The following BIN2 variants were observed in gnomAD, a reference collection of about 807,000 sequenced individuals.
The protein encoded by BIN2 is breast cancer associated protein BRAP1.
BIN2 carries 43 observed loss-of-function variants against 67.9 expected under a neutral mutation model. That is an observed-to-expected ratio of 0.63 (90% CI 0.50 to 0.82). BIN2 has a LOEUF of 0.82. Among genes scored for constraint, BIN2 ranks in the 40% least tolerant of loss-of-function variants. BIN2 has a pLI of 0.00. For missense variants in BIN2, 581 were observed against 671.6 expected (o/e 0.87, Z 1.49); for synonymous variants, 244 against 246.8 (o/e 0.99, Z 0.11).
At chr12:51,311,031 G>A (rs756809767) in intron 2 of BIN2, among the ~76,000 whole-genome samples, 5 of 151,660 alleles carry the variant, frequency 3.3e-5, no homozygotes, top group African/African-American at 4.8e-5. Flanking sequence ...TTATAGGTGT[G>A]GGCCACCATG....
intron 2 of BIN2, among the ~76,000 whole-genome samples, chr12:51,308,043 A>G (rs956219055): frequency 6.6e-6 from 1 of 152,032 alleles, no homozygotes; most frequent in Non-Finnish European, 1.5e-5. Flanking sequence ...GGGTAGTGGT[A>G]TGGAGTGGGG....
chr12:51,292,288 C>T lies in BIN2; in HGVS notation c.818G>A (p.Ser273Asn). The T allele has an allele frequency of 6.2e-7, 1 of 1,600,738 alleles. No homozygotes were observed. Among genetic ancestry groups the T allele is most frequent in the Non-Finnish European group, 8.5e-7 (1 of 1,179,808 alleles). Residue 273 changes from serine (S) to asparagine (N), a missense_variant, in exon 10 of 13, where the codon AGT (serine) becomes AAT (asparagine). Ser to Asn is a conservative substitution (Grantham distance 46). Transcript: ENST00000615107. ...GGGACTAGTAGGTGAGGTAAGAGGACTGGAGACTGTAGCTGTTCGAACTGG... is the reference window on the plus strand; with the variant it reads ...GGGACTAGTAGGTGAGGTAAGAGGATTGGAGACTGTAGCTGTTCGAACTGG... ...SPPVRTATVS[S>N]PLTSPTSPST...
At chr12:51,294,309 C>T (rs1162376609) in intron 9 of BIN2, among the ~76,000 whole-genome samples, 2 of 152,158 alleles carry the variant, frequency 1.3e-5, no homozygotes, top group Non-Finnish European at 2.9e-5. Flanking sequence ...TGGCTCACAC[C>T]GGTAATCCCA....
intron 10 of BIN2, among the ~76,000 whole-genome samples, chr12:51,290,911 C>T (rs893518290): frequency 1.3e-5 from 2 of 151,096 alleles, no homozygotes; most frequent in Non-Finnish European, 2.9e-5. Flanking sequence ...CCATCCTGGG[C>T]GACAGAGCGA....
rs745978130 is a variant in BIN2 at position 51,295,811 on chromosome 12, A to G, written c.746T>C (p.Val249Ala). 1.2e-6 allele frequency: 2 copies of G among 1,613,164 alleles called. No homozygotes were observed. The highest frequency in any genetic ancestry group is 3.3e-5 in the Admixed American group (2 of 59,940). ...TGCTGCTCACCTTGACAGTCCCTTC[A>G]CCACAAAGACTTTATTGGAATGTTG... ...EKQHSNKVFV[V>A]KGLSSSSRRS... Residue 249 changes from valine to alanine, a missense_variant, in exon 9 of 13, where the codon GTG becomes GCG. Coordinates refer to ENST00000615107, the MANE Select transcript of BIN2 (RefSeq NM_016293.4).
chr12:51,324,288 C>G (rs889628970), upstream of BIN2: 5 of 1,399,638 alleles, frequency 3.6e-6, no homozygotes, highest in African/African-American at 7.5e-5. Flanking sequence ...AGCAGGCCGG[C>G]TCGGAGGGGC....
intron 7 of BIN2, among the ~76,000 whole-genome samples, chr12:51,297,988 G>A (rs1427575768): frequency 6.6e-6 from 1 of 152,164 alleles, no homozygotes; most frequent in African/African-American, 2.4e-5. Context: ...GCTCATGCCT[G>A]TAATCCCAGC....
chr12:51,316,160 T>C (rs899012704), intron 1 of BIN2, among the ~76,000 whole-genome samples: 7 of 152,136 alleles, frequency 4.6e-5, no homozygotes, highest in South Asian at 4.1e-4. Flanking sequence ...AATCTTCTAA[T>C]GGTTCCCCAT....
intron 12 of BIN2, among the ~76,000 whole-genome samples, chr12:51,282,785 G>C (rs1945145706): frequency 6.6e-6 from 1 of 151,554 alleles, no homozygotes; most frequent in African/African-American, 2.4e-5. Context: ...TGTATTTTTA[G>C]TAGAGATGGA....
chr12:51,295,591 T>A (rs1214054648), intron 9 of BIN2, among the ~76,000 whole-genome samples: 724 of 13,122 alleles, frequency 0.055, 26 homozygotes, highest in African/African-American at 0.079. Flanking sequence ...TATATATATA[T>A]ATATATATAT....
chr12:51,317,022 AT>A (rs1428294292), intron 1 of BIN2, among the ~76,000 whole-genome samples: 1 of 151,964 alleles, frequency 6.6e-6, no homozygotes, highest in Non-Finnish European at 1.5e-5. Context: ...GATTACAGGC[AT>A]GTGCCACCAC....
intron 9 of BIN2, among the ~76,000 whole-genome samples, chr12:51,294,680 GTATTTAT>G (rs1945488126): frequency 8.1e-6 from 1 of 124,202 alleles, no homozygotes; most frequent in East Asian, 2.3e-4. Context: ...ATTACATTTA[GTATTTAT>G]TTCCATGCGT....
Position 51,297,304 on chromosome 12 carries a change from C to T in BIN2, c.603-140G>A, listed in dbSNP as rs529348159. ...AGCCATCCCGCTGGGCACAGTGGCT[C>T]ACGCCTGTAATCCCAGCACTTTGGG... is the stretch of plus-strand genomic sequence containing the variant. On this transcript the variant is annotated intron_variant, in intron 7 of 12. Coordinates refer to ENST00000615107, the MANE Select transcript of BIN2 (RefSeq NM_016293.4). The T allele has an allele frequency of 5.1e-5, 38 of 740,622 alleles. No individual in the cohort carries two copies. The East Asian group carries it at 9.4e-4, about 18-fold the overall frequency. 45.9% of individuals were successfully genotyped at this position (740,622 alleles called of 1,614,324 possible). A position where few individuals can be genotyped will look rare whatever the true frequency, so the allele number is the denominator to read the frequency against.
intron 2 of BIN2, among the ~76,000 whole-genome samples, chr12:51,309,115 G>A (rs1945935988): frequency 1.3e-5 from 2 of 151,982 alleles, no homozygotes. Context: ...TGAGGGATAG[G>A]GCACATGACC....
Position 51,299,287 on chromosome 12 carries a change from G to A in BIN2, c.518C>T (p.Ala173Val), listed in dbSNP as rs374148495. Residue 173 changes from alanine to valine, a missense_variant and splice_region_variant, in exon 7 of 13, where the codon GCA (alanine) becomes GTA (valine). By Grantham distance (64) the Ala-to-Val change is moderately conservative (BLOSUM62 0). Coordinates refer to ENST00000615107, the MANE Select transcript of BIN2 (RefSeq NM_016293.4). ...CTGGGCTTTGTTGAACTCTTCCTCT[G>A]CCTAGGTGGTAAAAGAGACAAGACA... ...KKKDEAKTAK[A>V]EEEFNKAQTV... 3.3e-5 allele frequency: 54 copies of A among 1,612,668 alleles called. No individual in the cohort carries two copies. Among genetic ancestry groups the A allele is most frequent in the Non-Finnish European group, 3.8e-5 (45 of 1,178,860 alleles).
chr12:51,319,985 C>G (rs4761846), intron 1 of BIN2, among the ~76,000 whole-genome samples: 28,305 of 151,764 alleles, frequency 0.19, 2,776 homozygotes, highest in South Asian at 0.23. Context: ...TTTTCTCCCT[C>G]TCTTTCTTTC....
Position 51,297,072 on chromosome 12 carries a change from G to T in BIN2, c.678+17C>A, listed in dbSNP as rs908417122. ...GAAAACACACCTAGGAGCCTCAATT[G>T]GCCAGACACCTCTCACCTTGCTCAT... On this transcript the variant is annotated intron_variant, in intron 8 of 12. Transcript: ENST00000615107. The T allele has an allele frequency of 4.4e-6, 7 of 1,605,406 alleles. No homozygotes were observed. Among genetic ancestry groups the T allele is most frequent in the Middle Eastern group, 1.6e-4 (1 of 6,070 alleles).
In BIN2 at chr12:51,281,504, G is replaced by GTTGTGGATTTTCAC. The variant is rs747890695; in HGVS notation, c.1679_1692dup (p.Leu565ValfsTer29). The GTTGTGGATTTTCAC allele has an allele frequency of 1.2e-6, 2 of 1,614,120 alleles. No individual in the cohort carries two copies. The highest frequency in any genetic ancestry group is 3.3e-5 in the Admixed American group (2 of 60,002). On this transcript the variant is annotated frameshift_variant, in exon 13 of 13. Transcript: ENST00000615107. LOFTEE classifies it high-confidence loss of function. ...GGAGTCTTGGTAGTTTCTCTTCAGA[G>GTTGTGGATTTTCAC]TTGTGGATTTTCACTTGTGGATACC...
intron 1 of BIN2, among the ~76,000 whole-genome samples, chr12:51,316,626 C>T (rs1946141662): frequency 6.6e-6 from 1 of 152,204 alleles, no homozygotes; most frequent in Non-Finnish European, 1.5e-5. Flanking sequence ...CCTTTCCTAA[C>T]ACTTTTTTAG....
Sources: allele counts gnomAD v4.1 joint callset (sites outside exome capture counted in the v4.1 genomes callset), GRCh38; gene constraint gnomAD v4.1.1; transcripts MANE v1.5; gene names NCBI Gene and HGNC (gene_info 2026-07-23, HGNC 2026-07-21).